Variants in ALDH8A1 observed in about 807,000 individuals in gnomAD.
ALDH8A1 encodes 2-aminomuconic semialdehyde dehydrogenase.
Under a neutral mutation model 43.3 loss-of-function variants are expected in ALDH8A1, and 39 were observed. The ratio of observed to expected loss-of-function variants is 0.90; its 90% CI spans 0.70 to 1.18. ALDH8A1 has a LOEUF of 1.18. Among genes scored for constraint, ALDH8A1 ranks in the 50% most tolerant of loss-of-function variants. ALDH8A1 has a pLI of 0.00. For synonymous variants in ALDH8A1, 233 were observed against 243.5 expected (o/e 0.96, Z 0.40); for missense variants, 605 against 622.6 (o/e 0.97, Z 0.30).
chr6:134,941,686 G>A (rs138134626), intron 3 of ALDH8A1, among the ~76,000 whole-genome samples: 2,945 of 151,796 alleles, frequency 0.019, 89 homozygotes, highest in African/African-American at 0.067. Flanking sequence ...CACCGCGCCC[G>A]GTGAATTTTT....
Position 134,943,809 on chromosome 6 carries a change from C to T in ALDH8A1, c.286+10G>A. The T allele has an allele frequency of 6.2e-7, 1 of 1,613,358 alleles. No individual in the cohort carries two copies. ...TGAGTCCCATGTTACAGTTAAGAGG[C>T]AACTCTCACCTTGGTCTTTAGACTC... On this transcript the variant is annotated intron_variant, in intron 2 of 6. Coordinates refer to ENST00000265605, the MANE Select transcript of ALDH8A1 (RefSeq NM_022568.4).
rs1458370048 is a variant in ALDH8A1 at position 134,918,206 on chromosome 6, T to TA, written c.*208dup. ...GGCATCATTGTTCTATCTTCCTACTTATAAGTCTTTTTTTCCGAGTCCACA... is the reference window on the plus strand; with the variant it reads ...GGCATCATTGTTCTATCTTCCTACTTAATAAGTCTTTTTTTCCGAGTCCACA... On this transcript the variant is annotated 3_prime_UTR_variant, in exon 7 of 7. Coordinates refer to ENST00000265605, the MANE Select transcript of ALDH8A1 (RefSeq NM_022568.4). 1.8e-6 allele frequency: 1 copy of TA among 570,506 alleles called. No homozygotes were observed. Among genetic ancestry groups the TA allele is most frequent in the Non-Finnish European group, 3.1e-6 (1 of 324,528 alleles). 35.3% of individuals were successfully genotyped at this position (570,506 alleles called of 1,614,324 possible).
At chr6:134,926,717 G>A (rs1418200052) in intron 6 of ALDH8A1, among the ~76,000 whole-genome samples, 2 of 152,026 alleles carry the variant, frequency 1.3e-5, no homozygotes, top group Non-Finnish European at 2.9e-5. Context: ...GCTGAGGCAG[G>A]AGAACTGCTT....
intron 6 of ALDH8A1, 137 bp downstream of exon 6, chr6:134,928,917 A>G: frequency 2.3e-6 from 2 of 881,982 alleles, no homozygotes; most frequent in South Asian, 1.8e-5. Context: ...TGTGTCCACA[A>G]TTTCTCCCAG....
intron 3 of ALDH8A1, chr6:134,941,495 C>A (rs1005706727): frequency 6.6e-6 from 1 of 152,266 alleles, no homozygotes; most frequent in Non-Finnish European, 1.5e-5. Context: ...TCAAGCAATT[C>A]TCCCTGCCTC....
Position 134,949,955 on chromosome 6 carries a change from C to A in ALDH8A1, c.99G>T (p.Gly33=). Residue 33 remains glycine (G), a synonymous_variant, in exon 1 of 7, where the codon GGG becomes GGT. Coordinates refer to ENST00000265605, the MANE Select transcript of ALDH8A1 (RefSeq NM_022568.4). Reference sequence around the variant, plus strand: ...TATTTGGCACTCTGCAATACACTTCCCCTGTTGATGGGTCGTAAGAATCTA... The same window carrying A: ...TATTTGGCACTCTGCAATACACTTCACCTGTTGATGGGTCGTAAGAATCTA... ...SYIDSYDPST[G]EVYCRVPNSG... The A allele has an allele frequency of 6.2e-7, 1 of 1,612,158 alleles. No homozygotes were observed. The highest frequency in any genetic ancestry group is 1.1e-5 in the South Asian group (1 of 90,376).
intron 4 of ALDH8A1, among the ~76,000 whole-genome samples, chr6:134,935,135 G>A (rs1562256173): frequency 6.6e-6 from 1 of 152,178 alleles, no homozygotes; most frequent in Non-Finnish European, 1.5e-5. Context: ...CCTGCAGGCT[G>A]CAACCCTTTA....
At chr6:134,921,848 T>C (rs1776804307) in intron 6 of ALDH8A1, among the ~76,000 whole-genome samples, 3 of 152,162 alleles carry the variant, frequency 2.0e-5, no homozygotes, top group Admixed American at 2.0e-4. Context: ...ATCCACTGCC[T>C]CCTCCAGCCC....
At chr6:134,920,489 T>C (rs546298395) in intron 6 of ALDH8A1, among the ~76,000 whole-genome samples, 2 of 152,292 alleles carry the variant, frequency 1.3e-5, no homozygotes, top group African/African-American at 4.8e-5. Flanking sequence ...GTGGCTGAAC[T>C]TCATCAATGA....
chr6:134,918,233 T>G lies in ALDH8A1; in HGVS notation c.*182A>C, dbSNP rs112389927. On this transcript the variant is annotated 3_prime_UTR_variant, in exon 7 of 7. Coordinates refer to ENST00000265605, the MANE Select transcript of ALDH8A1 (RefSeq NM_022568.4). The stretch of plus-strand genomic sequence containing the variant: ...TAAGTCTTTTTTTCCGAGTCCACAT[T>G]GAAAATAGACAGTATCTCTTCACTA... The G allele has an allele frequency of 1.2e-5, 7 of 607,354 alleles. No homozygotes were observed. Among genetic ancestry groups the G allele is most frequent in the South Asian group, 2.4e-5 (1 of 42,346 alleles). 37.6% of individuals were successfully genotyped at this position (607,354 alleles called of 1,614,324 possible). A position where few individuals can be genotyped will look rare whatever the true frequency, so the allele number is the denominator to read the frequency against.
chr6:134,927,066 TG>T (rs1176426163), intron 6 of ALDH8A1, among the ~76,000 whole-genome samples: 1 of 152,148 alleles, frequency 6.6e-6, no homozygotes, highest in Non-Finnish European at 1.5e-5. Context: ...AGGACAGAGA[TG>T]CCTATAGGTG....
At chr6:134,936,746 A>G (rs1773749584) in intron 4 of ALDH8A1, among the ~76,000 whole-genome samples, 1 of 152,174 alleles carries the variant, frequency 6.6e-6, no homozygotes, top group African/African-American at 2.4e-5. Context: ...CTTGGATGCT[A>G]ATGTCAGCTG....
At chr6:134,923,892 G>C (rs1362534511) in intron 6 of ALDH8A1, among the ~76,000 whole-genome samples, 1 of 152,162 alleles carries the variant, frequency 6.6e-6, no homozygotes, top group Non-Finnish European at 1.5e-5. Flanking sequence ...TTTATTATTA[G>C]GAAGGTGCAA....
At chr6:134,949,394 G>A (rs1774005160) in intron 1 of ALDH8A1, among the ~76,000 whole-genome samples, 3 of 152,110 alleles carry the variant, frequency 2.0e-5, no homozygotes, top group African/African-American at 7.2e-5. Flanking sequence ...ATGGGAATTT[G>A]ATTTTGAGTT....
chr6:134,940,896 A>C (rs1773840933), intron 3 of ALDH8A1, among the ~76,000 whole-genome samples: 1 of 152,226 alleles, frequency 6.6e-6, no homozygotes, highest in African/African-American at 2.4e-5. Context: ...GCTTTCCACA[A>C]TGCCTTGAAA....
At position 134,942,505 on chromosome 6, in the gene ALDH8A1, A is replaced by G. The variant is rs750074237; in HGVS notation, c.346T>C (p.Phe116Leu). ...DIPRSVQNFR[F>L]FASSSLHHTS... ...TGGTGCAGGCTGGAGGAAGCGAAGA[A>G]CCTGAAGTTCTGCACAGACCGGGGA... The change falls in exon 3 of 7, where the codon TTC becomes CTC. Residue 116 changes from phenylalanine (F) to leucine (L), a missense_variant. By Grantham distance (22) the Phe-to-Leu change is conservative. Transcript: ENST00000265605. 4.3e-6 allele frequency: 7 copies of G among 1,613,980 alleles called. No individual in the cohort carries two copies. The African/African-American group carries it at 6.7e-5, about 15-fold the overall frequency.
In ALDH8A1 at chr6:134,932,921, G is replaced by A; in HGVS notation, c.704C>T (p.Thr235Ile). ...PLISFTGSQP[T>I]AERITQLSAP... The stretch of plus-strand genomic sequence containing the variant: ...GCTCAGCTGGGTGATCCGCTCAGCG[G>A]TGGGCTGGCTCCCGGTGAAGGAGAT... Residue 235 changes from threonine (T) to isoleucine (I), a missense_variant, in exon 5 of 7, where the codon ACC becomes ATC. Physicochemically the swap from Thr to Ile is moderately conservative, Grantham distance 89. Coordinates refer to ENST00000265605, the MANE Select transcript of ALDH8A1 (RefSeq NM_022568.4). 6.2e-7 allele frequency: 1 copy of A among 1,614,184 alleles called. No individual in the cohort carries two copies. The highest frequency in any genetic ancestry group is 8.5e-7 in the Non-Finnish European group (1 of 1,180,032).
intron 5 of ALDH8A1, among the ~76,000 whole-genome samples, chr6:134,932,504 G>A (rs1225141508): frequency 6.6e-6 from 1 of 152,156 alleles, no homozygotes; most frequent in African/African-American, 2.4e-5. Context: ...GCTTGGAGCA[G>A]CAACATCAAT....
At chr6:134,946,743 T>C (rs1016143949) in intron 1 of ALDH8A1, among the ~76,000 whole-genome samples, 1 of 152,214 alleles carries the variant, frequency 6.6e-6, no homozygotes, top group Non-Finnish European at 1.5e-5. Context: ...TGCAATGCTA[T>C]AATGCAAATG....
Sources: gnomAD v4.1 joint callset for allele counts (sites outside exome capture counted in the v4.1 genomes callset) on GRCh38, gnomAD v4.1.1 for gene constraint, MANE v1.5 for transcripts, NCBI Gene and HGNC (gene_info 2026-07-23, HGNC 2026-07-21) for gene names.